Variants in CDK13 observed in about 807,000 individuals in gnomAD.
The protein encoded by CDK13 is cyclin-dependent kinase 13.
Under a neutral mutation model 137.6 loss-of-function variants are expected in CDK13, and 40 were observed. The observed-to-expected ratio is 0.29, with a 90% CI of 0.23 to 0.38. The LOEUF is 0.38. CDK13 is among the 10% of genes least tolerant of loss of function. The probability of loss-of-function intolerance (pLI) is 1.00; values close to 1 mark genes in which losing one functional copy is unlikely to be tolerated. For missense variants in CDK13, 1,704 were observed against 1,951.8 expected, an observed-to-expected ratio of 0.87 and a Z score of 2.39; for synonymous variants, 869 against 760.1, an observed-to-expected ratio of 1.14 and a Z score of -2.36.
At chr7:40,020,291 C>T (rs1178113510) in intron 5 of CDK13, among the ~76,000 whole-genome samples, 1 of 152,112 alleles carries the variant, frequency 6.6e-6, no homozygotes, top group Non-Finnish European at 1.5e-5. Context: ...TGGTCTCCAA[C>T]TCCTAGGCTC....
intron 1 of CDK13, among the ~76,000 whole-genome samples, chr7:39,960,766 G>A (rs1787592857): frequency 6.6e-6 from 1 of 151,150 alleles, no homozygotes; most frequent in Non-Finnish European, 1.5e-5. Flanking sequence ...GTAGAGATGA[G>A]GTTTTGCCAT....
intron 1 of CDK13, chr7:39,985,687 A>T (rs1011624048): frequency 6.6e-6 from 1 of 152,168 alleles, no homozygotes; most frequent in Non-Finnish European, 1.5e-5. Flanking sequence ...GTTAAAAAAA[A>T]TGCTGAGTTT....
rs141739678 is a variant in CDK13, at chr7:40,094,562, T to C, written c.4121T>C (p.Ile1374Thr). The change falls in exon 14 of 14, where the codon ATT becomes ACT. Residue 1374 changes from isoleucine to threonine, a missense_variant. Ile to Thr is a moderately conservative substitution (Grantham distance 89). Coordinates refer to ENST00000181839, the MANE Select transcript of CDK13 (RefSeq NM_003718.5). ...CGTAGTTTCATTGGAAATTCAGATA[T>C]TCAGTCTTTGGATAACTACAGTACT... ...ERRSFIGNSD[I>T]QSLDNYSTAS... 1,097 of 1,611,826 alleles carry C rather than the reference T, an allele frequency of 6.8e-4. 2 individuals carry two copies. Among genetic ancestry groups the C allele is most frequent in the Non-Finnish European group, 8.8e-4 (1,039 of 1,178,840 alleles).
intron 5 of CDK13, among the ~76,000 whole-genome samples, chr7:40,022,996 A>C (rs997864293): frequency 2.0e-5 from 3 of 152,002 alleles, no homozygotes; most frequent in African/African-American, 4.8e-5. Flanking sequence ...TTAGTTTTAC[A>C]GTCAGAACTG....
chr7:40,011,733 TATTAG>T (rs1165063065), intron 5 of CDK13, among the ~76,000 whole-genome samples: 1 of 152,176 alleles, frequency 6.6e-6, no homozygotes, highest in African/African-American at 2.4e-5. Context: ...GGCAGATGCT[TATTAG>T]ATATGACACC....
chr7:40,084,189 A>G (rs925980779), intron 11 of CDK13, among the ~76,000 whole-genome samples: 12 of 152,144 alleles, frequency 7.9e-5, no homozygotes, highest in Admixed American at 7.2e-4. Flanking sequence ...TAGTAAAAAT[A>G]CAAAAATTAG....
At chr7:40,087,953 C>CT (rs1308170812) in intron 11 of CDK13, among the ~76,000 whole-genome samples, 173 bp from the exon 12 acceptor site, 1 of 152,008 alleles carries the variant, frequency 6.6e-6, no homozygotes, top group Non-Finnish European at 1.5e-5. Context: ...AAAGCAAGCC[C>CT]TGAAGGAAGT....
At chr7:40,028,676 T>C (rs1241895061) in intron 5 of CDK13, among the ~76,000 whole-genome samples, 1 of 152,206 alleles carries the variant, frequency 6.6e-6, no homozygotes, top group African/African-American at 2.4e-5. Context: ...AGTTTAGAAC[T>C]TATTGTTTCC....
chr7:39,999,484 CAGGGATAAAGACACT>C lies in CDK13; in HGVS notation c.2167_2181del (p.Arg723_Thr727del). The C allele has an allele frequency of 6.2e-7, 1 of 1,608,432 alleles. No individual in the cohort carries two copies. The highest frequency in any genetic ancestry group is 2.2e-5 in the East Asian group (1 of 44,482). ...GTACTTACGGACAAGTTTACAAAGC[CAGGGATAAAGACACT>C]GGTAAGAATGCCAAGTTCTGGGGAT... is the stretch of plus-strand genomic sequence containing the variant. On this transcript the variant is annotated inframe_deletion and splice_region_variant, in exon 4 of 14. Coordinates refer to ENST00000181839, the MANE Select transcript of CDK13 (RefSeq NM_003718.5).
intron 5 of CDK13, among the ~76,000 whole-genome samples, chr7:40,033,333 G>A (rs1050669744): frequency 6.6e-6 from 1 of 152,036 alleles, no homozygotes; most frequent in African/African-American, 2.4e-5. Flanking sequence ...TTCCATTAGA[G>A]CTCTAGGAAT....
intron 9 of CDK13, chr7:40,070,398 C>T (rs1306090895): frequency 1.0e-5 from 1 of 100,106 alleles, no homozygotes; most frequent in Admixed American, 1.1e-4. Context: ...AACAGCAAGA[C>T]TCCATCCCAA....
intron 5 of CDK13, among the ~76,000 whole-genome samples, chr7:40,015,155 G>A (rs951247523): frequency 2.0e-5 from 3 of 152,194 alleles, no homozygotes; most frequent in African/African-American, 4.8e-5. Context: ...GAAATGTAGA[G>A]TTAGTACCAC....
chr7:40,031,871 G>T (rs1460348770), intron 5 of CDK13, among the ~76,000 whole-genome samples: 2 of 146,570 alleles, frequency 1.4e-5, no homozygotes, highest in Non-Finnish European at 3.0e-5. Flanking sequence ...ATTATTGGGA[G>T]AAATGGGGTC....
At chr7:40,038,167 A>G (rs1785526098) in intron 5 of CDK13, among the ~76,000 whole-genome samples, 1 of 152,044 alleles carries the variant, frequency 6.6e-6, no homozygotes, top group Non-Finnish European at 1.5e-5. Flanking sequence ...TTCATCCTCC[A>G]ATGTTTCTTT....
chr7:40,082,598 C>A, intron 11 of CDK13, among the ~76,000 whole-genome samples: 1 of 150,796 alleles, frequency 6.6e-6, no homozygotes, highest in East Asian at 2.0e-4. Context: ...TGAGATCAAC[C>A]TGGCCGACAT....
chr7:39,973,058 T>C (rs1784033427), intron 1 of CDK13, among the ~76,000 whole-genome samples: 1 of 152,244 alleles, frequency 6.6e-6, no homozygotes, highest in Admixed American at 6.5e-5. Flanking sequence ...GAGCATCTTT[T>C]CATGTGTTTT....
intron 1 of CDK13, among the ~76,000 whole-genome samples, chr7:39,967,549 A>G (rs964509864): frequency 9.2e-5 from 14 of 152,120 alleles, no homozygotes; most frequent in Admixed American, 7.9e-4. Flanking sequence ...TAATGCTGCA[A>G]TGAACATGGG....
intron 5 of CDK13, among the ~76,000 whole-genome samples, chr7:40,038,206 T>C (rs944973670): frequency 3.3e-5 from 5 of 152,136 alleles, no homozygotes; most frequent in South Asian, 2.1e-4. Flanking sequence ...TTTTTTTATA[T>C]ATAAAAAAAG....
chr7:40,071,725 T>A (rs1486809060), intron 9 of CDK13: 1 of 152,232 alleles, frequency 6.6e-6, no homozygotes, highest in Non-Finnish European at 1.5e-5. Flanking sequence ...TCAGAAAAGC[T>A]TTTCAGTATT....
Sources: allele counts gnomAD v4.1 joint callset (sites outside exome capture counted in the v4.1 genomes callset), GRCh38; gene constraint gnomAD v4.1.1; transcripts MANE v1.5; gene names NCBI Gene and HGNC (gene_info 2026-07-23, HGNC 2026-07-21).